The following ZMAT4 variants were observed in gnomAD, a reference collection of about 807,000 sequenced individuals.
The protein encoded by ZMAT4 is zinc finger matrin-type protein 4.
A neutral mutation model predicts 28.7 loss-of-function variants in ZMAT4; 17 were observed. That is an observed-to-expected ratio of 0.59 (90% CI 0.41 to 0.89). The LOEUF (loss-of-function observed/expected upper bound fraction) is 0.89, where lower values mean the gene tolerates loss of function less well. Among genes scored for constraint, ZMAT4 ranks in the 40% least tolerant of loss-of-function variants. The probability of loss-of-function intolerance (pLI) is 0.00; values close to 1 mark genes in which losing one functional copy is unlikely to be tolerated. For synonymous variants in ZMAT4, 117 were observed against 109.2 expected, an observed-to-expected ratio of 1.07 and a Z score of -0.44; for missense variants, 240 against 283.8, an observed-to-expected ratio of 0.85 and a Z score of 1.11.
intron 1 of ZMAT4, among the ~76,000 whole-genome samples, chr8:40,883,356 G>A (rs1383294985): frequency 1.3e-5 from 2 of 152,118 alleles, no homozygotes; most frequent in East Asian, 1.9e-4. Context: ...GAACCATTAG[G>A]TGTTCCATTT....
chr8:40,563,269 C>T (rs1210966138), intron 6 of ZMAT4, among the ~76,000 whole-genome samples: 2 of 152,180 alleles, frequency 1.3e-5, no homozygotes, highest in Non-Finnish European at 2.9e-5. Flanking sequence ...CTCTCAAGTC[C>T]TTAAATGGTA....
rs1047471873 is a variant in ZMAT4 at position 40,530,791 on chromosome 8, G to A, written c.*1432C>T. 3.3e-5 allele frequency: 5 copies of A among 152,590 alleles called. No individual in the cohort carries two copies. Among genetic ancestry groups the A allele is most frequent in the African/African-American group, 1.2e-4 (5 of 41,508 alleles). The allele number at this position is 152,590 out of a possible 1,614,324, so 9.5% of individuals were successfully genotyped here. On this transcript the variant is annotated 3_prime_UTR_variant, in exon 7 of 7. Transcript: ENST00000297737. ...AGTAGGGTGTGGCTCGTGGGGCTTC[G>A]TCTCTCTGCAGGCACAGAAACTGGC...
chr8:40,809,566 C>A lies in ZMAT4; in HGVS notation c.102+16009G>T, dbSNP rs537202268. Among the ~76,000 whole-genome samples the A allele has an allele frequency of 2.1e-4, 32 of 152,154 alleles. No individual in the cohort carries two copies. In the East Asian group the frequency reaches 4.1e-3, roughly 19 times the overall value. ...TTTAGTTAAAAGACTAATGATTAAA[C>A]CTTGACAAAATAATGGAAAGAAAAA... On this transcript the variant is annotated intron_variant, in intron 2 of 6. Coordinates refer to ENST00000297737, the MANE Select transcript of ZMAT4 (RefSeq NM_024645.3).
intron 1 of ZMAT4, among the ~76,000 whole-genome samples, chr8:40,859,098 C>T (rs929909629): frequency 2.6e-5 from 4 of 152,176 alleles, no homozygotes; most frequent in Non-Finnish European, 1.5e-5. Flanking sequence ...GCTGCTGGCG[C>T]CTGCCTTTCC....
chr8:40,858,496 T>C (rs774018952), intron 1 of ZMAT4, among the ~76,000 whole-genome samples: 1 of 152,146 alleles, frequency 6.6e-6, no homozygotes, highest in Non-Finnish European at 1.5e-5. Flanking sequence ...TAAGCAAGTA[T>C]ATGGATGCAT....
chr8:40,635,783 A>G (rs1343384683), intron 5 of ZMAT4, among the ~76,000 whole-genome samples: 1 of 152,158 alleles, frequency 6.6e-6, no homozygotes. Flanking sequence ...AAAGGCCCCT[A>G]AAAAATATTT....
rs550259635 is a variant in ZMAT4 at position 40,622,138 on chromosome 8, GA to G, written c.578-40878del. Among the ~76,000 whole-genome samples, 6 of 152,224 alleles carry G rather than the reference GA, an allele frequency of 3.9e-5. No individual in the cohort carries two copies. In the East Asian group the frequency reaches 1.2e-3, roughly 29 times the overall value. ...GGAAAGTACAAGGGTATTTTTAATT[GA>G]AAAATGACCTGGTAATTCTTTTCAC... On this transcript the variant is annotated intron_variant, in intron 5 of 6. Coordinates refer to ENST00000297737, the MANE Select transcript of ZMAT4 (RefSeq NM_024645.3).
intron 6 of ZMAT4, among the ~76,000 whole-genome samples, chr8:40,543,604 A>G (rs1563333280): frequency 6.6e-6 from 1 of 152,194 alleles, no homozygotes; most frequent in Admixed American, 6.5e-5. Flanking sequence ...CCTAGAGCAG[A>G]TGACTTCACC....
chr8:40,707,613 G>A (rs1351875963), intron 3 of ZMAT4, among the ~76,000 whole-genome samples: 1 of 147,682 alleles, frequency 6.8e-6, no homozygotes, highest in Non-Finnish European at 1.5e-5. Flanking sequence ...GTATGTATAT[G>A]TGTGTGTATA....
intron 3 of ZMAT4, 127 bp downstream of exon 3, chr8:40,767,514 A>T: frequency 1.4e-6 from 1 of 724,796 alleles, no homozygotes; most frequent in Non-Finnish European, 2.2e-6. Flanking sequence ...TGTAATATTT[A>T]GTGAGAACTA....
intron 1 of ZMAT4, among the ~76,000 whole-genome samples, chr8:40,874,064 C>T (rs1217101510): frequency 1.3e-5 from 2 of 152,200 alleles, no homozygotes; most frequent in African/African-American, 4.8e-5. Flanking sequence ...GCCAGGAACA[C>T]ACACTCAAGC....
At chr8:40,723,542 C>CAAA (rs58513087) in intron 3 of ZMAT4, among the ~76,000 whole-genome samples, 1,255 of 66,060 alleles carry the variant, frequency 0.019, 131 homozygotes, top group East Asian at 0.16. Context: ...GATTCCATCT[C>CAAA]AAAAAAAAAA....
intron 1 of ZMAT4, among the ~76,000 whole-genome samples, chr8:40,832,436 T>G (rs975874005): frequency 6.6e-6 from 1 of 152,122 alleles, no homozygotes; most frequent in Non-Finnish European, 1.5e-5. Context: ...ACTGCTGCCC[T>G]CCAACGTGGC....
chr8:40,741,072 A>G (rs893975480), intron 3 of ZMAT4, among the ~76,000 whole-genome samples: 1 of 152,188 alleles, frequency 6.6e-6, no homozygotes, highest in African/African-American at 2.4e-5. Flanking sequence ...ACTTGGAAAT[A>G]AACACAAAGA....
chr8:40,668,788 C>G (rs1342130412), intron 5 of ZMAT4, among the ~76,000 whole-genome samples: 3 of 151,858 alleles, frequency 2.0e-5, no homozygotes, highest in African/African-American at 7.2e-5. Flanking sequence ...AAGCCCTGGA[C>G]AACAACAACC....
intron 1 of ZMAT4, among the ~76,000 whole-genome samples, chr8:40,842,118 T>C (rs1403526202): frequency 1.3e-5 from 2 of 152,194 alleles, no homozygotes; most frequent in African/African-American, 2.4e-5. Flanking sequence ...CACCTGAACC[T>C]GTAGGTGATG....
At chr8:40,865,591 G>A (rs967466914) in intron 1 of ZMAT4, among the ~76,000 whole-genome samples, 1 of 152,184 alleles carries the variant, frequency 6.6e-6, no homozygotes, top group Non-Finnish European at 1.5e-5. Context: ...AGCCAGCTGG[G>A]GGATTGAAAT....
intron 1 of ZMAT4, among the ~76,000 whole-genome samples, chr8:40,880,833 A>T (rs1212870949): frequency 6.6e-6 from 1 of 151,926 alleles, no homozygotes; most frequent in Non-Finnish European, 1.5e-5. Flanking sequence ...TAGTAAATTT[A>T]TTTTCTGTGT....
intron 6 of ZMAT4, among the ~76,000 whole-genome samples, chr8:40,550,713 G>T (rs1019573671): frequency 7.2e-5 from 11 of 152,120 alleles, no homozygotes; most frequent in Non-Finnish European, 1.3e-4. Context: ...TGAGGAAGGT[G>T]CCTGCTTCCC....
Sources: gnomAD v4.1 joint callset for allele counts (sites outside exome capture counted in the v4.1 genomes callset) on GRCh38, gnomAD v4.1.1 for gene constraint, MANE v1.5 for transcripts, NCBI Gene and HGNC (gene_info 2026-07-23, HGNC 2026-07-21) for gene names.